Variants in PTPRO observed in about 807,000 individuals in gnomAD.
PTPRO encodes the protein receptor-type tyrosine-protein phosphatase O.
Under a neutral mutation model 145.2 loss-of-function variants are expected in PTPRO, and 62 were observed. That is an observed-to-expected ratio of 0.43 (90% confidence interval 0.35 to 0.53). The LOEUF is 0.53. Among genes scored for constraint, PTPRO ranks in the 20% least tolerant of loss-of-function variants. The pLI is 0.01. For missense variants in PTPRO, 1,345 were observed against 1,482.7 expected (o/e 0.91, Z 1.53); for synonymous variants, 565 against 514.7 (o/e 1.10, Z -1.32).
At chr12:15,352,659 AAAAAAAAAAG>A (rs55867329) in intron 1 of PTPRO, among the ~76,000 whole-genome samples, 40 of 145,338 alleles carry the variant, frequency 2.8e-4, no homozygotes, top group South Asian at 1.3e-3. Flanking sequence ...CAAAAAAAAA[AAAAAAAAAAG>A]AAAGAAAGAA....
At chr12:15,442,732 T>A (rs180773913) in intron 1 of PTPRO, among the ~76,000 whole-genome samples, 326 of 152,084 alleles carry the variant, frequency 2.1e-3, no homozygotes, top group South Asian at 4.6e-3. Flanking sequence ...AAAAATGCAA[T>A]CCGATTTACA....
chr12:15,341,954 G>A (rs1867005881), intron 1 of PTPRO, among the ~76,000 whole-genome samples: 1 of 152,138 alleles, frequency 6.6e-6, no homozygotes, highest in Non-Finnish European at 1.5e-5. Flanking sequence ...ATCTGTGAAA[G>A]CACTTTGTAA....
intron 1 of PTPRO, among the ~76,000 whole-genome samples, chr12:15,470,551 A>G (rs1157318616): frequency 1.3e-5 from 2 of 152,136 alleles, no homozygotes; most frequent in Non-Finnish European, 2.9e-5. Flanking sequence ...TCTTTCCTCA[A>G]GTGTGTTTTG....
chr12:15,581,228 G>C (rs1944307288), intron 22 of PTPRO, among the ~76,000 whole-genome samples: 1 of 151,994 alleles, frequency 6.6e-6, no homozygotes, highest in South Asian at 2.1e-4. Flanking sequence ...AGTTACTAAA[G>C]GCAGTTTCAG....
At chr12:15,520,064 G>T in intron 9 of PTPRO, 137 bp from the exon 10 acceptor site, 1 of 594,398 alleles carries the variant, frequency 1.7e-6, no homozygotes, top group East Asian at 3.1e-5. Flanking sequence ...TTTTATTATA[G>T]TAAATTTAGG....
At position 15,501,743 on chromosome 12, in the gene PTPRO, A is replaced by G; in HGVS notation, c.785A>G (p.Glu262Gly). ...AGATCACAAGATACAATAGGAAAAG[A>G]AAAACTCTTCCATTTTACAGAAGAA... is the stretch of plus-strand genomic sequence containing the variant. ...FMRSQDTIGK[E>G]KLFHFTEETP... The change falls in exon 5 of 27, where the codon GAA (glutamate) becomes GGA (glycine). Residue 262 changes from glutamate to glycine, a missense_variant. Glu to Gly is a moderately conservative substitution (Grantham distance 98). This residue lies in a region of PTPRO where 1,130 missense variants were observed against 1,214.7 expected (regional missense o/e 0.93). Transcript: ENST00000281171. The G allele has an allele frequency of 6.2e-7, 1 of 1,614,092 alleles. No homozygotes were observed. The highest frequency in any genetic ancestry group is 8.5e-7 in the Non-Finnish European group (1 of 1,179,956).
chr12:15,422,681 T>G (rs1188966611), intron 1 of PTPRO, among the ~76,000 whole-genome samples: 2 of 152,180 alleles, frequency 1.3e-5, no homozygotes, highest in Non-Finnish European at 2.9e-5. Flanking sequence ...GAGCCCAGGT[T>G]TTCAGGCTCA....
At chr12:15,551,824 T>C (rs1943469297) in intron 15 of PTPRO, among the ~76,000 whole-genome samples, 153 bp downstream of exon 15, 1 of 152,092 alleles carries the variant, frequency 6.6e-6, no homozygotes, top group South Asian at 2.1e-4. Flanking sequence ...CTAAATAGAC[T>C]TCGAAACATT....
At chr12:15,546,391 C>A in intron 12 of PTPRO, 178 bp from the exon 13 acceptor site, 2 of 1,432,918 alleles carry the variant, frequency 1.4e-6, no homozygotes, top group Admixed American at 5.7e-5. Context: ...AAGTATTCTG[C>A]CTTCCAAGTT....
chr12:15,363,317 C>T (rs573199919), intron 1 of PTPRO, among the ~76,000 whole-genome samples: 2 of 152,302 alleles, frequency 1.3e-5, no homozygotes, highest in Admixed American at 6.5e-5. Flanking sequence ...CTCCACATGA[C>T]GTTTAATCAT....
chr12:15,444,083 T>C (rs1940840099), intron 1 of PTPRO, among the ~76,000 whole-genome samples: 1 of 151,822 alleles, frequency 6.6e-6, no homozygotes, highest in East Asian at 1.9e-4. Context: ...GGAATCAACC[T>C]AGGGGCCTAT....
chr12:15,326,327 CCT>C (rs1866446290), intron 1 of PTPRO, among the ~76,000 whole-genome samples: 1 of 152,168 alleles, frequency 6.6e-6, no homozygotes, highest in Non-Finnish European at 1.5e-5. Flanking sequence ...TTTGGAGAAA[CCT>C]TTTTACATGT....
chr12:15,589,294 T>C (rs1400103918), intron 24 of PTPRO, among the ~76,000 whole-genome samples, 161 bp from the exon 25 acceptor site: 1 of 151,524 alleles, frequency 6.6e-6, no homozygotes, highest in South Asian at 2.1e-4. Flanking sequence ...GAGAATCACT[T>C]GAAGCCGAGA....
intron 1 of PTPRO, among the ~76,000 whole-genome samples, chr12:15,430,387 C>A (rs1940400792): frequency 6.6e-6 from 1 of 152,016 alleles, no homozygotes; most frequent in Non-Finnish European, 1.5e-5. Context: ...ACTAAACAGG[C>A]AAATTCCTCC....
chr12:15,389,520 G>C (rs1939130346), intron 1 of PTPRO, among the ~76,000 whole-genome samples: 1 of 152,004 alleles, frequency 6.6e-6, no homozygotes, highest in Non-Finnish European at 1.5e-5. Flanking sequence ...TGTATTCAGG[G>C]GGCTCAGTCT....
chr12:15,387,654 A>C (rs1015061036), intron 1 of PTPRO, among the ~76,000 whole-genome samples: 2 of 152,222 alleles, frequency 1.3e-5, no homozygotes, highest in African/African-American at 2.4e-5. Context: ...TGTCAGGACC[A>C]TGCCATCTGA....
chr12:15,358,377 G>A (rs1302063172), intron 1 of PTPRO, among the ~76,000 whole-genome samples: 1 of 151,862 alleles, frequency 6.6e-6, no homozygotes, highest in Non-Finnish European at 1.5e-5. Context: ...AAAACTTAAA[G>A]TATGATAATA....
intron 1 of PTPRO, among the ~76,000 whole-genome samples, chr12:15,345,421 T>C (rs565161567): frequency 7.9e-5 from 12 of 152,260 alleles, no homozygotes; most frequent in Admixed American, 4.6e-4. Flanking sequence ...TGGTATACTA[T>C]GCAGCCATAA....
In PTPRO at chr12:15,553,131, C is replaced by T. The variant is rs1943515949; in HGVS notation, c.2558+1460C>T. Among the ~76,000 whole-genome samples, 6 of 151,988 alleles carry T rather than the reference C, an allele frequency of 3.9e-5. No homozygotes were observed. In the East Asian group the frequency reaches 1.2e-3, roughly 29 times the overall value. ...AGATCGAATCTTGACTTCCAACTTG[C>T]GTGAATTTGTGTAGGTCACTGAAAC... On this transcript the variant is annotated intron_variant, in intron 15 of 26. Coordinates refer to ENST00000281171, the MANE Select transcript of PTPRO (RefSeq NM_030667.3).
Sources: allele counts gnomAD v4.1 joint callset (sites outside exome capture counted in the v4.1 genomes callset), GRCh38; gene constraint gnomAD v4.1.1; regional missense constraint gnomAD v4.1.1; transcripts MANE v1.5; gene names NCBI Gene and HGNC (gene_info 2026-07-23, HGNC 2026-07-21).